Variants in GPD1L observed in about 807,000 individuals in gnomAD.
The protein encoded by GPD1L is glycerol-3-phosphate dehydrogenase 1 like.
Under a neutral mutation model 32.9 loss-of-function variants are expected in GPD1L, and 17 were observed. The ratio of observed to expected loss-of-function variants is 0.52; its 90% confidence interval spans 0.35 to 0.78. The LOEUF (loss-of-function observed/expected upper bound fraction) is 0.78, where lower values mean the gene tolerates loss of function less well. Ranked by LOEUF, GPD1L falls within the 30% of genes least tolerant of loss-of-function variation. GPD1L has a pLI of 0.01. For missense variants in GPD1L, 361 were observed against 447.8 expected, an observed-to-expected ratio of 0.81 and a Z score of 1.75; for synonymous variants, 187 against 165.9, an observed-to-expected ratio of 1.13 and a Z score of -0.98.
chr3:32,140,962 A>C (rs1700734471), intron 4 of GPD1L, among the ~76,000 whole-genome samples: 1 of 152,140 alleles, frequency 6.6e-6, no homozygotes, highest in Non-Finnish European at 1.5e-5. Flanking sequence ...CGTTATGAAA[A>C]TTTTCATTTC....
At chr3:32,143,433 A>C (rs533380582) in intron 4 of GPD1L, among the ~76,000 whole-genome samples, 1 of 152,272 alleles carries the variant, frequency 6.6e-6, no homozygotes, top group South Asian at 2.1e-4. Context: ...GACAAGCCCA[A>C]AGTAAGAGAT....
chr3:32,140,661 C>A (rs943963270), intron 4 of GPD1L, among the ~76,000 whole-genome samples: 1 of 150,406 alleles, frequency 6.6e-6, no homozygotes, highest in African/African-American at 2.5e-5. Context: ...TTGCTTGTAC[C>A]AAGAAACAGG....
At position 32,106,686 on chromosome 3, in the gene GPD1L, T is replaced by G; in HGVS notation, c.-26T>G. 1 of 1,550,276 alleles carries G rather than the reference T, an allele frequency of 6.5e-7. No individual in the cohort carries two copies. Among genetic ancestry groups the G allele is most frequent in the Non-Finnish European group, 8.7e-7 (1 of 1,149,728 alleles). Reference sequence around the variant, plus strand: ...TGGGCAGCCGGCCAGGGAAGCACGGTCCAGGCGGCTACATTCGGCCCGGCC... The same window carrying G: ...TGGGCAGCCGGCCAGGGAAGCACGGGCCAGGCGGCTACATTCGGCCCGGCC... On this transcript the variant is annotated 5_prime_UTR_variant, in exon 1 of 8. Coordinates refer to ENST00000282541, the MANE Select transcript of GPD1L (RefSeq NM_015141.4). The surrounding 1 kb of genome is among the most constrained non-coding windows in gnomAD (Gnocchi z 4.0).
rs575587410 is a variant in GPD1L, at chr3:32,151,069, A to C, written c.618+4335A>C. The C allele has an allele frequency of 4.2e-5, 14 of 336,642 alleles. 1 individual carries two copies. The South Asian group carries it at 4.5e-4, about 11-fold the overall frequency. The allele number at this position is 336,642 out of a possible 1,614,324, so 20.9% of individuals were successfully genotyped here. A position where few individuals can be genotyped will look rare whatever the true frequency, so the allele number is the denominator to read the frequency against. On this transcript the variant is annotated intron_variant, in intron 5 of 7. Transcript: ENST00000282541. ...ATGCGTGAGCCATCACACCCAGCCT[A>C]TTTTTCACACCTATTATGCATGAAT...
intron 2 of GPD1L, among the ~76,000 whole-genome samples, chr3:32,132,089 T>A (rs945089377): frequency 1.3e-5 from 2 of 152,260 alleles, no homozygotes; most frequent in African/African-American, 4.8e-5. Flanking sequence ...ACAAATTCTT[T>A]ATATATTCTA....
At chr3:32,120,052 C>A (rs566751610) in intron 1 of GPD1L, among the ~76,000 whole-genome samples, 187 of 152,318 alleles carry the variant, frequency 1.2e-3, no homozygotes, top group African/African-American at 4.3e-3. Context: ...CGGCCGGACA[C>A]AGTGGCTCAC....
chr3:32,128,062 G>A lies in GPD1L; in HGVS notation c.48-14G>A, dbSNP rs530306267. ...GTGAGTTTATGTTTTTCTTTTCCAC[G>A]ATTTCTTTTGTAGGGGTTCAGCTGT... On this transcript the variant is annotated splice_polypyrimidine_tract_variant and intron_variant, in intron 1 of 7. Transcript: ENST00000282541. 19 of 1,594,006 alleles carry A rather than the reference G, an allele frequency of 1.2e-5. No homozygotes were observed. In the East Asian group the frequency reaches 1.8e-4, roughly 15 times the overall value.
chr3:32,161,359 T>C (rs1701071763), intron 7 of GPD1L, among the ~76,000 whole-genome samples: 1 of 152,172 alleles, frequency 6.6e-6, no homozygotes, highest in African/African-American at 2.4e-5. Context: ...GAACTACCTT[T>C]AAATTGTGGC....
At chr3:32,107,377 T>C (rs1022081288) in intron 1 of GPD1L, among the ~76,000 whole-genome samples, 1 of 152,204 alleles carries the variant, frequency 6.6e-6, no homozygotes, top group Non-Finnish European at 1.5e-5. Context: ...TTTGCGAAGC[T>C]TTGCGTCTCT....
chr3:32,163,456 G>A (rs1482519066), intron 7 of GPD1L, among the ~76,000 whole-genome samples: 1 of 152,142 alleles, frequency 6.6e-6, no homozygotes, highest in Non-Finnish European at 1.5e-5. Context: ...GCGTGAGCCA[G>A]CACACCCAGG....
At chr3:32,138,919 C>G (rs890689154) in intron 3 of GPD1L, among the ~76,000 whole-genome samples, 192 bp downstream of exon 3, 2 of 152,094 alleles carry the variant, frequency 1.3e-5, no homozygotes, top group Non-Finnish European at 2.9e-5. Flanking sequence ...GGGCTGCTTT[C>G]CATTGCAGCA....
chr3:32,116,522 A>T (rs1424478571), intron 1 of GPD1L, among the ~76,000 whole-genome samples: 1 of 143,650 alleles, frequency 7.0e-6, no homozygotes, highest in African/African-American at 2.5e-5. Flanking sequence ...GGCTGCAGAG[A>T]GTTTTGTGTT....
intron 5 of GPD1L, among the ~76,000 whole-genome samples, chr3:32,157,716 G>A (rs9870427): frequency 0.39 from 59,869 of 152,022 alleles, 12,931 homozygotes; most frequent in East Asian, 0.6. Context: ...AAGAGGCCTT[G>A]TGGACCATAT....
At chr3:32,124,902 G>T (rs1700485072) in intron 1 of GPD1L, among the ~76,000 whole-genome samples, 1 of 152,088 alleles carries the variant, frequency 6.6e-6, no homozygotes, top group Non-Finnish European at 1.5e-5. Context: ...CAGCCTGGAG[G>T]ACAGAGCAAG....
At chr3:32,157,447 G>A (rs1304930242) in intron 5 of GPD1L, among the ~76,000 whole-genome samples, 1 of 152,058 alleles carries the variant, frequency 6.6e-6, no homozygotes, top group Non-Finnish European at 1.5e-5. Context: ...CATCTTTGCA[G>A]CTCTCCCCTG....
intron 4 of GPD1L, among the ~76,000 whole-genome samples, chr3:32,145,166 A>T (rs541650001): frequency 1.3e-5 from 2 of 151,958 alleles, no homozygotes; most frequent in Non-Finnish European, 2.9e-5. Context: ...TAAAAATACA[A>T]AACTTAGCCG....
In GPD1L at chr3:32,167,129, T is replaced by C. The variant is rs2813; in HGVS notation, c.*1219T>C. 61,024 of 151,976 alleles carry C rather than the reference T, an allele frequency of 0.4. 13,347 individuals are homozygous for C. The highest frequency in any genetic ancestry group is 0.61 in the East Asian group (3,127 of 5,164). 9.4% of individuals were successfully genotyped at this position (151,976 alleles called of 1,614,324 possible). On this transcript the variant is annotated 3_prime_UTR_variant, in exon 8 of 8. Coordinates refer to ENST00000282541, the MANE Select transcript of GPD1L (RefSeq NM_015141.4). ...CTTTAGAAAATCTGCTTTAACTTGG[T>C]ATTCCTCTAATTGTGTTCCCTAGGA...
At chr3:32,136,170 C>T (rs1700657027) in intron 2 of GPD1L, among the ~76,000 whole-genome samples, 1 of 152,192 alleles carries the variant, frequency 6.6e-6, no homozygotes, top group South Asian at 2.1e-4. Context: ...TTGCCATCCG[C>T]AAAGTTGGCT....
In GPD1L at chr3:32,159,674, A is replaced by C; in HGVS notation, c.959A>C (p.Lys320Thr). 1.3e-6 allele frequency: 2 copies of C among 1,567,952 alleles called. No homozygotes were observed. The highest frequency in any genetic ancestry group is 1.3e-5 in the African/African-American group (1 of 74,142). Residue 320 changes from lysine to threonine, a missense_variant and splice_region_variant, in exon 7 of 8, where the codon AAG becomes ACG. Transcript: ENST00000282541. ...CTCAAACAGAAGGGACTACTGGACAAGTAAGTCTCTCAGTCGCCCATGAGA... is the reference window on the plus strand; with the variant it reads ...CTCAAACAGAAGGGACTACTGGACACGTAAGTCTCTCAGTCGCCCATGAGA... ...RILKQKGLLD[K>T]FPLFTAVYQI... is the part of the protein sequence containing the mutation.
Sources: allele counts gnomAD v4.1 joint callset (sites outside exome capture counted in the v4.1 genomes callset), GRCh38; gene constraint gnomAD v4.1.1; non-coding constraint Gnocchi (gnomAD v3.1); transcripts MANE v1.5; gene names NCBI Gene and HGNC (gene_info 2026-07-23, HGNC 2026-07-21).